KAZN: variants seen among roughly 807,000 people sequenced by gnomAD.
KAZN encodes the protein kazrin, periplakin interacting protein, also known as kazrin.
Under a neutral mutation model 87.4 loss-of-function variants are expected in KAZN, and 40 were observed. The ratio of observed to expected loss-of-function variants is 0.46; its 90% CI spans 0.36 to 0.60. The LOEUF (loss-of-function observed/expected upper bound fraction) is 0.60. KAZN is among the 20% of genes least tolerant of loss of function. KAZN has a pLI of 0.00. For missense variants in KAZN, 898 were observed against 1,073.9 expected (o/e 0.84, Z 2.29); for synonymous variants, 466 against 458.3 (o/e 1.02, Z -0.22).
intron 1 of KAZN, among the ~76,000 whole-genome samples, chr1:14,786,247 C>G (rs1645505470): frequency 6.6e-6 from 1 of 152,206 alleles, no homozygotes. Context: ...CACTGCAGTA[C>G]TGGCTACTAA....
chr1:13,958,132 A>G (rs1641614226), intron 1 of KAZN, among the ~76,000 whole-genome samples: 1 of 152,214 alleles, frequency 6.6e-6, no homozygotes, highest in South Asian at 2.1e-4. Flanking sequence ...ACAACAGGGA[A>G]CACCAAAACC....
At chr1:13,993,524 T>C (rs1457969171) in intron 1 of KAZN, among the ~76,000 whole-genome samples, 2 of 152,210 alleles carry the variant, frequency 1.3e-5, no homozygotes, top group Admixed American at 6.5e-5. Context: ...AACAGGTAGA[T>C]TGAATGGTAG....
intron 1 of KAZN, among the ~76,000 whole-genome samples, chr1:14,713,857 G>A (rs912200136): frequency 4.0e-5 from 6 of 151,278 alleles, no homozygotes; most frequent in Admixed American, 1.3e-4. Context: ...TTGAGGGGCC[G>A]AGCGGGGAGG....
chr1:14,030,944 T>C (rs1405887046), intron 1 of KAZN, among the ~76,000 whole-genome samples: 1 of 152,140 alleles, frequency 6.6e-6, no homozygotes, highest in East Asian at 1.9e-4. Context: ...CATAGGCATT[T>C]AATGAATATT....
intron 2 of KAZN, among the ~76,000 whole-genome samples, chr1:14,560,984 T>C (rs1674221058): frequency 6.6e-6 from 1 of 152,212 alleles, no homozygotes; most frequent in African/African-American, 2.4e-5. Flanking sequence ...TGTGGCTGTC[T>C]GTGCCAGGGT....
At chr1:14,918,174 G>C (rs1017475618) in intron 1 of KAZN, among the ~76,000 whole-genome samples, 1 of 152,146 alleles carries the variant, frequency 6.6e-6, no homozygotes, top group Admixed American at 6.5e-5. Context: ...ACTGCGTCTG[G>C]CCAAGATCTA....
chr1:14,514,424 AT>A (rs1377289475), intron 2 of KAZN, among the ~76,000 whole-genome samples: 1 of 40,614 alleles, frequency 2.5e-5, no homozygotes, highest in Non-Finnish European at 4.5e-5. Flanking sequence ...AAATATATAT[AT>A]AATATATATA....
intron 14 of KAZN, chr1:15,113,770 C>T (rs544346083): frequency 2.1e-4 from 32 of 152,192 alleles, no homozygotes; most frequent in African/African-American, 7.5e-4. Context: ...TCTCATGCCT[C>T]GGCCTCCTGA....
intron 2 of KAZN, among the ~76,000 whole-genome samples, chr1:14,467,511 A>C (rs1327748787): frequency 1.3e-5 from 2 of 152,034 alleles, no homozygotes; most frequent in African/African-American, 4.8e-5. Context: ...AAATGGGTTA[A>C]ACACTCTAAG....
At chr1:14,198,956 C>T (rs1646583986) in intron 2 of KAZN, among the ~76,000 whole-genome samples, 1 of 152,082 alleles carries the variant, frequency 6.6e-6, no homozygotes, top group African/African-American at 2.4e-5. Flanking sequence ...TTAATCAATA[C>T]ACATTAGGGC....
At chr1:15,033,058 A>G (rs1292891743) in intron 2 of KAZN, among the ~76,000 whole-genome samples, 8 of 152,226 alleles carry the variant, frequency 5.3e-5, no homozygotes, top group Non-Finnish European at 7.3e-5. Context: ...ACAATACAGT[A>G]TAACAACTAT....
intron 1 of KAZN, among the ~76,000 whole-genome samples, chr1:14,957,055 C>A (rs549687811): frequency 6.6e-6 from 1 of 152,120 alleles, no homozygotes; most frequent in East Asian, 1.9e-4. Context: ...TGGGCCCTTC[C>A]GTGTTCTGTT....
At position 14,851,467 on chromosome 1, in the gene KAZN, C is replaced by A. The variant is rs1409529433; in HGVS notation, c.227-109217C>A. Among the ~76,000 whole-genome samples, 5 of 152,228 alleles carry A rather than the reference C, an allele frequency of 3.3e-5. No individual in the cohort carries two copies. The East Asian group carries it at 9.6e-4, about 29-fold the overall frequency. On this transcript the variant is annotated intron_variant, in intron 1 of 14. Transcript: ENST00000376030. ...CCCACACCCTGTCCCAAGGACCAAC[C>A]CTTGTTGCATGTGCAGAGGGCCCAT... is the stretch of plus-strand genomic sequence containing the variant.
chr1:14,380,387 C>T (rs201782478), intron 2 of KAZN, among the ~76,000 whole-genome samples: 1 of 152,050 alleles, frequency 6.6e-6, no homozygotes, highest in East Asian at 1.9e-4. Flanking sequence ...CACCAGGAAC[C>T]TATTTGAAGA....
intron 1 of KAZN, among the ~76,000 whole-genome samples, chr1:14,098,429 T>C (rs1359358146): frequency 2.0e-5 from 3 of 152,182 alleles, no homozygotes; most frequent in Non-Finnish European, 4.4e-5. Context: ...AGCTATAGTA[T>C]GCTCCTTTAT....
At chr1:14,549,733 T>G (rs1475186430) in intron 2 of KAZN, among the ~76,000 whole-genome samples, 8 of 142,504 alleles carry the variant, frequency 5.6e-5, no homozygotes, top group Non-Finnish European at 1.2e-4. Flanking sequence ...AATCCTGGCT[T>G]TGGGCAGTGG....
At chr1:14,956,245 A>G (rs1367289286) in intron 1 of KAZN, among the ~76,000 whole-genome samples, 1 of 150,172 alleles carries the variant, frequency 6.7e-6, no homozygotes, top group Non-Finnish European at 1.5e-5. Flanking sequence ...CCTGGACAAT[A>G]GTAAACAATC....
At position 15,065,683 on chromosome 1, in the gene KAZN, A is replaced by G. The variant is rs1639169898; in HGVS notation, c.1152A>G (p.Gly384=). 1 of 1,614,230 alleles carries G rather than the reference A, an allele frequency of 6.2e-7. No individual in the cohort carries two copies. Among genetic ancestry groups the G allele is most frequent in the East Asian group, 2.2e-5 (1 of 44,884 alleles). The change falls in exon 8 of 15, where the codon GGA becomes GGG. Residue 384 remains glycine (G), a synonymous_variant. Transcript: ENST00000376030. ...GGAAAAAGAAGAAAGAGAAGATGGG[A>G]TTCGGCTCCATCTCCCGCGTCTTCG... ...QKRKKKKEKM[G]FGSISRVFAR...
intron 13 of KAZN, among the ~76,000 whole-genome samples, chr1:15,110,493 GTA>G (rs1273618137): frequency 4.9e-5 from 1 of 20,388 alleles, no homozygotes; most frequent in South Asian, 4.5e-3. Context: ...GTGTGTGTAT[GTA>G]TGTGTGTGTA....
Sources: allele counts gnomAD v4.1 joint callset (sites outside exome capture counted in the v4.1 genomes callset), GRCh38; gene constraint gnomAD v4.1.1; transcripts MANE v1.5; gene names NCBI Gene and HGNC (gene_info 2026-07-23, HGNC 2026-07-21).